Variants in PAX7 observed in about 807,000 individuals in gnomAD.
PAX7 encodes paired box 7.
Under a neutral mutation model 50.7 loss-of-function variants are expected in PAX7, and 18 were observed. The ratio of observed to expected loss-of-function variants is 0.36; its 90% confidence interval spans 0.25 to 0.53. PAX7 has a LOEUF of 0.53. PAX7 is among the 20% of genes least tolerant of loss of function. The pLI is 0.93. For synonymous variants in PAX7, 310 were observed against 290.4 expected (o/e 1.07, Z -0.69); for missense variants, 644 against 702.9 (o/e 0.92, Z 0.95).
chr1:18,654,521 C>T (rs1382813172), intron 4 of PAX7, among the ~76,000 whole-genome samples: 1 of 152,208 alleles, frequency 6.6e-6, no homozygotes, highest in Admixed American at 6.5e-5. Context: ...CTTCCTAAAT[C>T]TCCACTCACC....
chr1:18,656,374 C>T (rs929168300), intron 4 of PAX7, among the ~76,000 whole-genome samples: 3 of 152,108 alleles, frequency 2.0e-5, no homozygotes, highest in African/African-American at 4.8e-5. Flanking sequence ...TGGTGCACAC[C>T]TGTAATCCCA....
In PAX7 at chr1:18,744,952, A is replaced by G. The variant is rs1018860671; in HGVS notation, c.*23A>G. 1 of 1,376,814 alleles carries G rather than the reference A, an allele frequency of 7.3e-7. No individual in the cohort carries two copies. Among genetic ancestry groups the G allele is most frequent in the South Asian group, 1.2e-5 (1 of 80,392 alleles). The allele number at this position is 1,376,814 out of a possible 1,614,324, so 85.3% of individuals were successfully genotyped here. On this transcript the variant is annotated 3_prime_UTR_variant, in exon 9 of 9. Coordinates refer to ENST00000420770, the MANE Select transcript of PAX7 (RefSeq NM_001135254.2). ...TAGGGCCCCTGGGGCGACTTGCCCCAGCCCAATTCCCAGCCCAACCCTAAC... is the reference window on the plus strand; with the variant it reads ...TAGGGCCCCTGGGGCGACTTGCCCCGGCCCAATTCCCAGCCCAACCCTAAC...
rs943027012 is a variant in PAX7, at chr1:18,747,100, C to T, written c.*2171C>T. ...CAACTCTTCCTGAAGACCAAACACT[C>T]GTCATCCACATTCCTTGAATGGCCA... On this transcript the variant is annotated 3_prime_UTR_variant, in exon 9 of 9. Coordinates refer to ENST00000420770, the MANE Select transcript of PAX7 (RefSeq NM_001135254.2). The T allele has an allele frequency of 8.7e-6, 2 of 229,268 alleles. No individual in the cohort carries two copies. The highest frequency in any genetic ancestry group is 1.7e-5 in the Non-Finnish European group (2 of 115,562). 14.2% of individuals were successfully genotyped at this position (229,268 alleles called of 1,614,324 possible).
chr1:18,747,670 A>G lies in PAX7; in HGVS notation c.*2741A>G, dbSNP rs1304421186. 9.6e-6 allele frequency: 2 copies of G among 208,524 alleles called. No individual in the cohort carries two copies. The highest frequency in any genetic ancestry group is 2.3e-5 in the African/African-American group (1 of 43,890). The allele number at this position is 208,524 out of a possible 1,614,324, so 12.9% of individuals were successfully genotyped here. A position where few individuals can be genotyped will look rare whatever the true frequency, so the allele number is the denominator to read the frequency against. ...CCCTGTAAATAGAGTCTGTAGCAAA[A>G]TAAGAGCTGCTTCCTCCAACTTATC... is the stretch of plus-strand genomic sequence containing the variant. On this transcript the variant is annotated 3_prime_UTR_variant, in exon 9 of 9. Transcript: ENST00000420770.
intron 4 of PAX7, among the ~76,000 whole-genome samples, chr1:18,641,088 C>G (rs997364508): frequency 6.6e-6 from 1 of 152,244 alleles, no homozygotes; most frequent in Non-Finnish European, 1.5e-5. Flanking sequence ...CTCGCGCGCT[C>G]GCAGCCCCAG....
chr1:18,700,526 C>A lies in PAX7; in HGVS notation c.787-127C>A. On this transcript the variant is annotated intron_variant, in intron 5 of 8. Transcript: ENST00000420770. This position sits in a 1 kb window ranked among gnomAD's most constrained non-coding sequence, Gnocchi z 4.8. The stretch of plus-strand genomic sequence containing the variant: ...CAAAGCGTCCTGTGCTGCACAATGC[C>A]GGGGCCTGCAGGAGGATGCTGGCTG... 1.2e-6 allele frequency: 1 copy of A among 813,136 alleles called. No homozygotes were observed. Among genetic ancestry groups the A allele is most frequent in the Non-Finnish European group, 1.9e-6 (1 of 540,210 alleles). 50.4% of individuals were successfully genotyped at this position (813,136 alleles called of 1,614,324 possible).
chr1:18,723,080 T>C (rs1442982407), intron 7 of PAX7, among the ~76,000 whole-genome samples: 1 of 152,202 alleles, frequency 6.6e-6, no homozygotes, highest in African/African-American at 2.4e-5. Context: ...GGCCCCCAAA[T>C]GTGGCAGCAA....
intron 4 of PAX7, among the ~76,000 whole-genome samples, chr1:18,690,959 T>C (rs2089059793): frequency 1.3e-5 from 2 of 152,186 alleles, no homozygotes; most frequent in African/African-American, 4.8e-5. Context: ...CTAAGCTTCT[T>C]GATGGGCAGC....
chr1:18,667,539 G>T (rs896478833), intron 4 of PAX7, among the ~76,000 whole-genome samples: 2 of 152,060 alleles, frequency 1.3e-5, no homozygotes, highest in African/African-American at 2.4e-5. Flanking sequence ...ACTACGGAGC[G>T]CCAGGAGGAC....
intron 4 of PAX7, among the ~76,000 whole-genome samples, chr1:18,662,366 C>T (rs2088612403): frequency 6.6e-6 from 1 of 152,130 alleles, no homozygotes; most frequent in South Asian, 2.1e-4. Context: ...TTCCATGAGG[C>T]GACCTTTCTG....
chr1:18,644,260 A>G (rs1043036427), intron 4 of PAX7, among the ~76,000 whole-genome samples: 3 of 152,216 alleles, frequency 2.0e-5, no homozygotes, highest in Non-Finnish European at 4.4e-5. Context: ...CAGGTGTGCC[A>G]GGCTGGAGCA....
intron 5 of PAX7, among the ~76,000 whole-genome samples, chr1:18,693,711 G>T (rs2089110292): frequency 6.6e-6 from 1 of 152,232 alleles, no homozygotes; most frequent in Non-Finnish European, 1.5e-5. Context: ...TGATATCCGA[G>T]CTGGCTCCAG....
rs542247834 is a variant in PAX7 at position 18,643,537 on chromosome 1, C to T, written c.586+7166C>T. Among the ~76,000 whole-genome samples the T allele has an allele frequency of 6.2e-4, 94 of 152,314 alleles. 1 individual carries two copies. The highest frequency in any genetic ancestry group is 2.1e-3 in the African/African-American group (87 of 41,582). On this transcript the variant is annotated intron_variant, in intron 4 of 8. Coordinates refer to ENST00000420770, the MANE Select transcript of PAX7 (RefSeq NM_001135254.2). The stretch of plus-strand genomic sequence containing the variant: ...CAGCAGGAAGAAAGACAAAGAGATG[C>T]AGAATCACCGAGAGACTGGCCCTGG...
At position 18,634,545 on chromosome 1, in the gene PAX7, G is replaced by T. The variant is rs1194924762; in HGVS notation, c.321+7G>T. On this transcript the variant is annotated splice_region_variant and intron_variant, in intron 2 of 8. Coordinates refer to ENST00000420770, the MANE Select transcript of PAX7 (RefSeq NM_001135254.2). The surrounding 1 kb of genome is among the most constrained non-coding windows in gnomAD (Gnocchi z 4.0). ...CGGCGGCAGCAAGCCCAGAGTGAGT[G>T]TCTTTGCCACAGAGGCTGGCAGCTG... 2 of 1,612,106 alleles carry T rather than the reference G, an allele frequency of 1.2e-6. No homozygotes were observed. Among genetic ancestry groups the T allele is most frequent in the African/African-American group, 2.7e-5 (2 of 74,924 alleles).
At chr1:18,675,444 A>T (rs1430448228) in intron 4 of PAX7, among the ~76,000 whole-genome samples, 2 of 152,174 alleles carry the variant, frequency 1.3e-5, no homozygotes, top group Non-Finnish European at 2.9e-5. Flanking sequence ...AGAGGCTCAG[A>T]GAGACCACCT....
intron 8 of PAX7, among the ~76,000 whole-genome samples, chr1:18,744,096 C>A (rs1279285990): frequency 1.3e-5 from 2 of 152,154 alleles, no homozygotes; most frequent in Non-Finnish European, 2.9e-5. Context: ...CTGGCTCCTT[C>A]TGCATGGATC....
intron 7 of PAX7, among the ~76,000 whole-genome samples, chr1:18,730,604 G>A (rs955269055): frequency 1.1e-4 from 16 of 144,056 alleles, no homozygotes; most frequent in South Asian, 2.5e-4. Flanking sequence ...CCAAAGCCAC[G>A]TTCAGTTATC....
chr1:18,677,406 G>A (rs567253612), intron 4 of PAX7, among the ~76,000 whole-genome samples: 1 of 152,266 alleles, frequency 6.6e-6, no homozygotes, highest in Non-Finnish European at 1.5e-5. Context: ...CTCTTTCATG[G>A]TGGCATGATC....
At chr1:18,643,521 GA>G (rs2088291096) in intron 4 of PAX7, among the ~76,000 whole-genome samples, 1 of 152,238 alleles carries the variant, frequency 6.6e-6, no homozygotes, top group Admixed American at 6.5e-5. Context: ...GCAGCAGGAA[GA>G]AAGACAAAGA....
Sources: allele counts gnomAD v4.1 joint callset (sites outside exome capture counted in the v4.1 genomes callset), GRCh38; gene constraint gnomAD v4.1.1; non-coding constraint Gnocchi (gnomAD v3.1); transcripts MANE v1.5; gene names NCBI Gene and HGNC (gene_info 2026-07-23, HGNC 2026-07-21).